NUBPL: variants seen among roughly 807,000 people sequenced by gnomAD.
The protein encoded by NUBPL is NUBP iron-sulfur cluster assembly factor, mitochondrial, also known as iron-sulfur cluster transfer protein NUBPL.
A neutral mutation model predicts 45.7 loss-of-function variants in NUBPL; 31 were observed. That is an observed-to-expected ratio of 0.68 (90% CI 0.51 to 0.92). The LOEUF is 0.92. Among genes scored for constraint, NUBPL ranks in the 40% least tolerant of loss-of-function variants. NUBPL has a pLI of 0.00. For missense variants in NUBPL, 401 were observed against 398.7 expected (o/e 1.01, Z -0.05); for synonymous variants, 144 against 140.9 (o/e 1.02, Z -0.15).
intron 6 of NUBPL, among the ~76,000 whole-genome samples, chr14:31,745,785 G>T (rs1338214146): frequency 3.3e-5 from 5 of 152,038 alleles, no homozygotes; most frequent in South Asian, 2.1e-4. Context: ...TGTTATTTGT[G>T]CATGAGACTA....
intron 8 of NUBPL, among the ~76,000 whole-genome samples, chr14:31,837,330 C>CA (rs1360141934): frequency 1.3e-5 from 2 of 151,080 alleles, no homozygotes; most frequent in Non-Finnish European, 3.0e-5. Flanking sequence ...GACCCTGTTT[C>CA]AAAAAAAACA....
chr14:31,638,457 C>T (rs146717180), intron 4 of NUBPL, among the ~76,000 whole-genome samples: 2 of 151,138 alleles, frequency 1.3e-5, no homozygotes, highest in African/African-American at 2.4e-5. Context: ...CCGAGAGATC[C>T]GCTGTTAGTC....
intron 4 of NUBPL, among the ~76,000 whole-genome samples, chr14:31,647,823 C>T (rs1393469306): frequency 1.3e-5 from 2 of 152,168 alleles, no homozygotes; most frequent in Non-Finnish European, 2.9e-5. Context: ...CTGTTTTCAG[C>T]CGTTTTGGCT....
intron 6 of NUBPL, among the ~76,000 whole-genome samples, chr14:31,679,871 G>C (rs2036789576): frequency 6.6e-6 from 1 of 152,138 alleles, no homozygotes; most frequent in Non-Finnish European, 1.5e-5. Flanking sequence ...CTTCTAATCT[G>C]TGACCTTTTC....
intron 6 of NUBPL, among the ~76,000 whole-genome samples, chr14:31,699,940 T>C (rs4444241): frequency 1 from 151,643 of 152,328 alleles, 75,484 homozygotes; most frequent in Middle Eastern, 1. Flanking sequence ...CTTACCATAA[T>C]GAAATTTTAA....
At chr14:31,586,079 C>A (rs1234088359) in intron 3 of NUBPL, among the ~76,000 whole-genome samples, 1 of 152,102 alleles carries the variant, frequency 6.6e-6, no homozygotes. Context: ...CCCCTTTAAA[C>A]AGCAATGGTC....
At chr14:31,666,670 G>GT (rs1378366346) in intron 4 of NUBPL, among the ~76,000 whole-genome samples, 1 of 152,152 alleles carries the variant, frequency 6.6e-6, no homozygotes, top group Non-Finnish European at 1.5e-5. Flanking sequence ...ATTTTGGTAT[G>GT]TTTTTGCAGT....
intron 7 of NUBPL, among the ~76,000 whole-genome samples, chr14:31,825,634 T>G (rs527616401): frequency 2.0e-5 from 2 of 100,992 alleles, no homozygotes; most frequent in African/African-American, 1.1e-4. Flanking sequence ...CTCCTCCTCC[T>G]CCCCTCTTTC....
chr14:31,725,519 A>T (rs939568989), intron 6 of NUBPL, among the ~76,000 whole-genome samples: 1 of 152,132 alleles, frequency 6.6e-6, no homozygotes, highest in Non-Finnish European at 1.5e-5. Context: ...AAATTTACTT[A>T]TGTTTCATAT....
chr14:31,739,347 A>G (rs897857091), intron 6 of NUBPL, among the ~76,000 whole-genome samples: 4 of 151,080 alleles, frequency 2.6e-5, no homozygotes, highest in Non-Finnish European at 5.9e-5. Flanking sequence ...GGCCTCCCAG[A>G]GTGCTGGGAT....
chr14:31,755,161 G>A (rs554835438), intron 6 of NUBPL, among the ~76,000 whole-genome samples: 15 of 151,968 alleles, frequency 9.9e-5, no homozygotes, highest in Admixed American at 2.0e-4. Context: ...ATAAACATAC[G>A]TGTGCATGTG....
At chr14:31,561,733 C>T (rs1192690205) in intron 1 of NUBPL, 186 bp downstream of exon 1, 4 of 564,768 alleles carry the variant, frequency 7.1e-6, no homozygotes, top group African/African-American at 5.7e-5. Context: ...ACAGTTAGAA[C>T]GTAGATGTGG....
intron 4 of NUBPL, among the ~76,000 whole-genome samples, chr14:31,637,637 GT>G (rs922794486): frequency 1.3e-5 from 2 of 152,092 alleles, no homozygotes; most frequent in African/African-American, 4.8e-5. Flanking sequence ...CAATTCCTGG[GT>G]ATCTTTGTTA....
At chr14:31,620,196 G>A (rs1045086675) in intron 4 of NUBPL, among the ~76,000 whole-genome samples, 1 of 151,780 alleles carries the variant, frequency 6.6e-6, no homozygotes. Context: ...TTTTTTCAAG[G>A]TTCTTAGCTT....
intron 8 of NUBPL, among the ~76,000 whole-genome samples, chr14:31,836,633 C>G (rs1267091464): frequency 2.0e-5 from 3 of 152,156 alleles, no homozygotes; most frequent in Non-Finnish European, 4.4e-5. Context: ...CCATTCAAAA[C>G]CTCCTTGATT....
rs968679537 is a variant in NUBPL at position 31,592,264 on chromosome 14, G to A, written c.292-7025G>A. Among the ~76,000 whole-genome samples the A allele has an allele frequency of 2.2e-4, 34 of 152,178 alleles. 1 individual carries two copies. Among genetic ancestry groups the A allele is most frequent in the Admixed American group, 2.2e-3 (34 of 15,272 alleles). On this transcript the variant is annotated intron_variant, in intron 3 of 10. Coordinates refer to ENST00000281081, the MANE Select transcript of NUBPL (RefSeq NM_025152.3). ...TGATTTCTGGAGGAAGAAGTGGAAT[G>A]GAGTAATAGGTGATGAAAATTACTA...
At chr14:31,713,653 C>T (rs1437445777) in intron 6 of NUBPL, among the ~76,000 whole-genome samples, 5 of 152,248 alleles carry the variant, frequency 3.3e-5, no homozygotes, top group Middle Eastern at 6.8e-3. Context: ...CTCAACAACC[C>T]GTAGGAAATT....
chr14:31,737,261 G>A (rs1185789287), intron 6 of NUBPL, among the ~76,000 whole-genome samples: 1 of 152,110 alleles, frequency 6.6e-6, no homozygotes, highest in African/African-American at 2.4e-5. Flanking sequence ...AAGCTTGATT[G>A]TGTCAGCTTT....
intron 6 of NUBPL, among the ~76,000 whole-genome samples, chr14:31,745,683 G>T (rs2038383757): frequency 6.6e-6 from 1 of 151,990 alleles, no homozygotes; most frequent in Non-Finnish European, 1.5e-5. Flanking sequence ...GAGTTTTTTG[G>T]TGGAGTTTGT....
Sources: gnomAD v4.1 joint callset for allele counts (sites outside exome capture counted in the v4.1 genomes callset) on GRCh38, gnomAD v4.1.1 for gene constraint, MANE v1.5 for transcripts, NCBI Gene and HGNC (gene_info 2026-07-23, HGNC 2026-07-21) for gene names.